CEP78: variants seen among roughly 807,000 people sequenced by gnomAD.
The protein encoded by CEP78 is centrosomal protein of 78 kDa.
CEP78 carries 76 observed loss-of-function variants against 81.2 expected under a neutral mutation model. That is an observed-to-expected ratio of 0.94 (90% confidence interval 0.78 to 1.13). CEP78 has a LOEUF of 1.13. Ranked by LOEUF, CEP78 falls within the 50% of genes most tolerant of loss-of-function variation. The pLI, the probability that CEP78 is intolerant of heterozygous loss-of-function variation, is 0.00. For missense variants in CEP78, 918 were observed against 846.8 expected (o/e 1.08, Z -1.04); for synonymous variants, 293 against 301.4 (o/e 0.97, Z 0.29).
At chr9:78,266,273 A>G (rs1053973906) in intron 15 of CEP78, among the ~76,000 whole-genome samples, 169 bp from the exon 16 acceptor site, 1 of 152,032 alleles carries the variant, frequency 6.6e-6, no homozygotes, top group African/African-American at 2.4e-5. Context: ...TGCTGGACCT[A>G]CTCCTGGCTA....
In CEP78 at chr9:78,278,543, G is replaced by T. The variant is rs1827848824; in HGVS notation, c.*7692G>T. 1 of 152,110 alleles carries T rather than the reference G, an allele frequency of 6.6e-6. No homozygotes were observed. The highest frequency in any genetic ancestry group is 2.4e-5 in the African/African-American group (1 of 41,402). 9.4% of individuals were successfully genotyped at this position (152,110 alleles called of 1,614,324 possible). Reference sequence around the variant, plus strand: ...TAATTCATGTTCTGTTCTATTCCTTGCCTTTAAAGAAAATTATGTTGGCAA... The same window carrying T: ...TAATTCATGTTCTGTTCTATTCCTTTCCTTTAAAGAAAATTATGTTGGCAA... On this transcript the variant is annotated 3_prime_UTR_variant, in exon 17 of 17. Coordinates refer to ENST00000643273, the MANE Select transcript of CEP78 (RefSeq NM_001330691.3).
Position 78,236,346 on chromosome 9 carries a change from G to A in CEP78, c.-5G>A, listed in dbSNP as rs776323982. The A allele has an allele frequency of 1.8e-5, 28 of 1,564,352 alleles. No individual in the cohort carries two copies. Among genetic ancestry groups the A allele is most frequent in the African/African-American group, 4.1e-5 (3 of 73,552 alleles). ...GCGGGCATCCCCCGAGGCCGCCCTC[G>A]GGCCATGATCGACTCCGTGAAGCTG... On this transcript the variant is annotated 5_prime_UTR_variant, in exon 1 of 17. Coordinates refer to ENST00000643273, the MANE Select transcript of CEP78 (RefSeq NM_001330691.3).
chr9:78,262,958 C>T lies in CEP78; in HGVS notation c.1432C>T (p.Leu478Phe), dbSNP rs752230247. 6.5e-6 allele frequency: 10 copies of T among 1,544,744 alleles called. No individual in the cohort carries two copies. The highest frequency in any genetic ancestry group is 2.4e-5 in the South Asian group (2 of 82,786). ...GTTAAAGGAAGAAAGAGTGATAAGGCTTAAGGTTGATAAACGAGTCAGTGA... is the reference window on the plus strand; with the variant it reads ...GTTAAAGGAAGAAAGAGTGATAAGGTTTAAGGTTGATAAACGAGTCAGTGA... Reference protein sequence around the residue: ...KQLKEERVIRLKVDKRVSELE... With the variant: ...KQLKEERVIRFKVDKRVSELE... Residue 478 changes from leucine (L) to phenylalanine (F), a missense_variant, in exon 12 of 17, where the codon CTT (leucine) becomes TTT (phenylalanine). Leu to Phe is a conservative substitution (Grantham distance 22). Coordinates refer to ENST00000643273, the MANE Select transcript of CEP78 (RefSeq NM_001330691.3).
At position 78,236,527 on chromosome 9, in the gene CEP78, GAGCACCCTCA is replaced by G. The variant is rs1825948706; in HGVS notation, c.180_189del (p.Ser60ArgfsTer26). 1 of 1,606,888 alleles carries G rather than the reference GAGCACCCTCA, an allele frequency of 6.2e-7. No individual in the cohort carries two copies. The highest frequency in any genetic ancestry group is 1.3e-5 in the African/African-American group (1 of 74,742). The stretch of plus-strand genomic sequence containing the variant: ...GCGGGGTGGACTGGGCGCCTCTGCT[GAGCACCCTCA>G]AGATCAATAAAGACCTGCCCTTGGT... On this transcript the variant is annotated frameshift_variant, in exon 1 of 17. Transcript: ENST00000643273. LOFTEE classifies it high-confidence loss of function.
chr9:78,260,922 T>C (rs1044378191), intron 11 of CEP78, among the ~76,000 whole-genome samples: 2 of 152,036 alleles, frequency 1.3e-5, no homozygotes, highest in East Asian at 3.9e-4. Context: ...GTCCTCCTTA[T>C]GAACTTTTGC....
At chr9:78,245,163 G>C (rs1161703162) in intron 5 of CEP78, among the ~76,000 whole-genome samples, 1 of 151,464 alleles carries the variant, frequency 6.6e-6, no homozygotes, top group Non-Finnish European at 1.5e-5. Flanking sequence ...TAGTCAGTTA[G>C]GGCTTCATAG....
At chr9:78,247,246 G>A (rs1280393002) in intron 6 of CEP78, among the ~76,000 whole-genome samples, 2 of 152,180 alleles carry the variant, frequency 1.3e-5, no homozygotes, top group Non-Finnish European at 2.9e-5. Context: ...CAAAAATACC[G>A]TAAGGTAAGA....
At position 78,274,049 on chromosome 9, in the gene CEP78, A is replaced by G. The variant is rs896715382; in HGVS notation, c.*3198A>G. 6.6e-6 allele frequency: 1 copy of G among 152,276 alleles called. No homozygotes were observed. Among genetic ancestry groups the G allele is most frequent in the African/African-American group, 2.4e-5 (1 of 41,460 alleles). The allele number at this position is 152,276 out of a possible 1,614,324, so 9.4% of individuals were successfully genotyped here. ...AGCAGTCCCACTCCTGGGTATTTAGAGAGATGAAAACTTAGTTCACACAAA... is the reference window on the plus strand; with the variant it reads ...AGCAGTCCCACTCCTGGGTATTTAGGGAGATGAAAACTTAGTTCACACAAA... On this transcript the variant is annotated 3_prime_UTR_variant, in exon 17 of 17. Transcript: ENST00000643273.
rs1384518061 is a variant in CEP78, at chr9:78,276,333, G to A, written c.*5482G>A. 1.3e-5 allele frequency: 2 copies of A among 152,118 alleles called. No individual in the cohort carries two copies. The highest frequency in any genetic ancestry group is 1.9e-4 in the East Asian group (1 of 5,192). 9.4% of individuals were successfully genotyped at this position (152,118 alleles called of 1,614,324 possible). ...ATCCTCTGGTATTCTTAACAATCTC[G>A]AAATAGAAGGAAACTTCCTTAGCTT... On this transcript the variant is annotated 3_prime_UTR_variant, in exon 17 of 17. Coordinates refer to ENST00000643273, the MANE Select transcript of CEP78 (RefSeq NM_001330691.3).
rs1446472180 is a variant in CEP78, at chr9:78,276,961, T to C, written c.*6110T>C. On this transcript the variant is annotated 3_prime_UTR_variant, in exon 17 of 17. Transcript: ENST00000643273. ...CAATTTTGATTACATCTCAAAACAA[T>C]CCATGGAGTTAGGGTAAATGTGCTG... 1.3e-5 allele frequency: 2 copies of C among 151,962 alleles called. No individual in the cohort carries two copies. The highest frequency in any genetic ancestry group is 2.4e-5 in the African/African-American group (1 of 41,388). The allele number at this position is 151,962 out of a possible 1,614,324, so 9.4% of individuals were successfully genotyped here. A position where few individuals can be genotyped will look rare whatever the true frequency, so the allele number is the denominator to read the frequency against.
chr9:78,237,163 T>C (rs988267769), intron 1 of CEP78, among the ~76,000 whole-genome samples: 5 of 151,468 alleles, frequency 3.3e-5, no homozygotes, highest in Non-Finnish European at 5.9e-5. Flanking sequence ...GTATTTTTAG[T>C]AGAGATGGGG....
chr9:78,265,816 T>C (rs1187057367), intron 14 of CEP78, 43 bp from the exon 15 acceptor site: 3 of 1,008,222 alleles, frequency 3.0e-6, no homozygotes, highest in South Asian at 2.8e-5. Context: ...TGATTTTCAA[T>C]TTTCAATTTT....
intron 16 of CEP78, 26 bp from the exon 17 acceptor site, chr9:78,270,815 C>T: frequency 1.5e-6 from 1 of 682,458 alleles, no homozygotes; most frequent in Non-Finnish European, 2.7e-6. Flanking sequence ...ACATGGATGA[C>T]TGAACACATT....
intron 11 of CEP78, among the ~76,000 whole-genome samples, chr9:78,257,232 C>T (rs769510845): frequency 3.0e-4 from 46 of 152,148 alleles, no homozygotes; most frequent in Non-Finnish European, 5.0e-4. Flanking sequence ...CACTTAAAAA[C>T]CATAAAAACC....
rs756323667 is a variant in CEP78, at chr9:78,236,402, C to T, written c.52C>T (p.His18Tyr). The T allele has an allele frequency of 3.1e-5, 50 of 1,596,878 alleles. No homozygotes were observed. The highest frequency in any genetic ancestry group is 4.2e-5 in the Non-Finnish European group (49 of 1,172,604). The change falls in exon 1 of 17, where the codon CAC becomes TAC. Residue 18 changes from histidine to tyrosine, a missense_variant. His to Tyr is a moderately conservative substitution (Grantham distance 83, BLOSUM62 2). Transcript: ENST00000643273. ...CGACAGCGCGGCGGACTTCTTCTCC[C>T]ACTACGAGTACCTGTGCGCGCTGCA... ...RRDSAADFFS[H>Y]YEYLCALQNS...
At chr9:78,265,741 G>C (rs1403823995) in intron 14 of CEP78, 118 bp from the exon 15 acceptor site, 1 of 752,318 alleles carries the variant, frequency 1.3e-6, no homozygotes, top group African/African-American at 1.8e-5. Flanking sequence ...AAATAAGAAA[G>C]TTCTTTTGAA....
chr9:78,253,411 C>T, intron 10 of CEP78, 134 bp downstream of exon 10: 2 of 636,336 alleles, frequency 3.1e-6, no homozygotes, highest in African/African-American at 1.8e-5. Flanking sequence ...TAAAAATTTT[C>T]TGGGTTCTCC....
chr9:78,246,778 C>G lies in CEP78; in HGVS notation c.888C>G (p.Leu296=), dbSNP rs764191140. Residue 296 remains leucine, a synonymous_variant, in exon 6 of 17, where the codon CTC becomes CTG. Coordinates refer to ENST00000643273, the MANE Select transcript of CEP78 (RefSeq NM_001330691.3). The stretch of plus-strand genomic sequence containing the variant: ...TTCTGGATATAAGAAAAAATCCACT[C>G]ATTGGTATGTCGCTACAATATTTTT... The part of the protein sequence containing the change: ...LVVLDIRKNP[L]IDHSMMKAVI... The G allele has an allele frequency of 3.2e-6, 5 of 1,539,102 alleles. No homozygotes were observed. In the South Asian group the frequency reaches 5.8e-5, roughly 18 times the overall value.
At chr9:78,257,302 A>G (rs539106226) in intron 11 of CEP78, among the ~76,000 whole-genome samples, 2 of 152,298 alleles carry the variant, frequency 1.3e-5, no homozygotes, top group East Asian at 1.9e-4. Flanking sequence ...GATACCTCCA[A>G]AGTTTTAAAA....
Sources: allele counts gnomAD v4.1 joint callset (sites outside exome capture counted in the v4.1 genomes callset), GRCh38; gene constraint gnomAD v4.1.1; transcripts MANE v1.5; gene names NCBI Gene and HGNC (gene_info 2026-07-23, HGNC 2026-07-21).